Variants in ULK4 observed in about 807,000 individuals in gnomAD.
The protein encoded by ULK4 is inactive serine/threonine-protein kinase ULK4.
Under a neutral mutation model 160.6 loss-of-function variants are expected in ULK4, and 133 were observed. The observed-to-expected ratio is 0.83, with a 90% CI of 0.72 to 0.96. The LOEUF is 0.96. Ranked by LOEUF, ULK4 falls within the 40% of genes least tolerant of loss-of-function variation. The pLI is 0.00. For missense variants in ULK4, 1,580 were observed against 1,499.5 expected (o/e 1.05, Z -0.89); for synonymous variants, 534 against 539.8 (o/e 0.99, Z 0.15).
chr3:41,735,464 C>T (rs943048638), intron 22 of ULK4, among the ~76,000 whole-genome samples: 5 of 152,104 alleles, frequency 3.3e-5, no homozygotes, highest in Non-Finnish European at 5.9e-5. Flanking sequence ...CGAGTTCTAC[C>T]GAGCTCTATG....
chr3:41,845,691 C>A (rs1247915315), intron 17 of ULK4, among the ~76,000 whole-genome samples: 1 of 152,130 alleles, frequency 6.6e-6, no homozygotes, highest in East Asian at 1.9e-4. Flanking sequence ...GAAGTATACA[C>A]AGGATCTCTC....
intron 18 of ULK4, among the ~76,000 whole-genome samples, chr3:41,825,905 G>T (rs939421519): frequency 6.6e-6 from 1 of 152,212 alleles, no homozygotes; most frequent in Non-Finnish European, 1.5e-5. Context: ...AGGGCAGCCA[G>T]AGAGAAAGGT....
chr3:41,765,393 C>T (rs1251144630), intron 21 of ULK4, among the ~76,000 whole-genome samples: 1 of 152,004 alleles, frequency 6.6e-6, no homozygotes, highest in Non-Finnish European at 1.5e-5. Flanking sequence ...GAACATCACA[C>T]ACCGGGGCCT....
At chr3:41,574,531 CTTTTTTTT>C (rs568406782) in intron 31 of ULK4, among the ~76,000 whole-genome samples, 142 of 92,162 alleles carry the variant, frequency 1.5e-3, no homozygotes, top group African/African-American at 4.4e-3. Flanking sequence ...CCAGAGTCCT[CTTTTTTTT>C]TTTTTTTTTT....
rs531395827 is a variant in ULK4 at position 41,602,685 on chromosome 3, A to G, written c.3120+12984T>C. 1.2e-3 allele frequency among the ~76,000 whole-genome samples: 186 copies of G among 152,284 alleles called. 1 individual carries two copies. The highest frequency in any genetic ancestry group is 4.4e-3 in the African/African-American group (181 of 41,584). ...AATCTCCTAAAAATGAGCCATAATC[A>G]TATAGTTTCAGAGCTGAATTTTTAA... is the stretch of plus-strand genomic sequence containing the variant. On this transcript the variant is annotated intron_variant, in intron 31 of 36. Transcript: ENST00000301831.
intron 32 of ULK4, among the ~76,000 whole-genome samples, chr3:41,565,653 C>G (rs946052010): frequency 6.6e-6 from 1 of 152,178 alleles, no homozygotes; most frequent in Non-Finnish European, 1.5e-5. Context: ...GCCCCTCAAT[C>G]TTGGACTTCT....
At chr3:41,786,844 G>C (rs940970589) in intron 21 of ULK4, among the ~76,000 whole-genome samples, 1 of 152,050 alleles carries the variant, frequency 6.6e-6, no homozygotes, top group Admixed American at 6.6e-5. Context: ...CAGATACATG[G>C]AAAGAAGGCA....
chr3:41,802,243 A>G (rs2040483937), intron 19 of ULK4, among the ~76,000 whole-genome samples: 1 of 152,206 alleles, frequency 6.6e-6, no homozygotes, highest in South Asian at 2.1e-4. Flanking sequence ...ATATGTGAAT[A>G]AATATAATAG....
At chr3:41,762,936 T>C (rs2039038270) in intron 21 of ULK4, among the ~76,000 whole-genome samples, 1 of 152,132 alleles carries the variant, frequency 6.6e-6, no homozygotes, top group Admixed American at 6.5e-5. Context: ...ATGCTGGGAT[T>C]ACAGGCGTGA....
chr3:41,799,234 G>T (rs1203610429), intron 20 of ULK4, among the ~76,000 whole-genome samples: 1 of 151,922 alleles, frequency 6.6e-6, no homozygotes, highest in East Asian at 1.9e-4. Flanking sequence ...AACTCAAAGG[G>T]GTATTTAAAT....
chr3:41,525,519 G>C (rs77990051), intron 32 of ULK4, among the ~76,000 whole-genome samples: 3,253 of 152,200 alleles, frequency 0.021, 117 homozygotes, highest in African/African-American at 0.073. Flanking sequence ...GTGAGGCCTA[G>C]TCTCCCTCCC....
intron 31 of ULK4, among the ~76,000 whole-genome samples, chr3:41,574,570 CTT>C (rs1265273316): frequency 6.9e-5 from 8 of 115,682 alleles, no homozygotes; most frequent in South Asian, 3.1e-4. Context: ...GAGACAGAGT[CTT>C]GCTCTGCCAC....
intron 35 of ULK4, among the ~76,000 whole-genome samples, chr3:41,268,095 A>T (rs1009480422): frequency 2.6e-5 from 4 of 152,182 alleles, no homozygotes; most frequent in Admixed American, 2.6e-4. Flanking sequence ...GGGGAGGTGG[A>T]CTGGCATCTA....
intron 21 of ULK4, among the ~76,000 whole-genome samples, chr3:41,779,798 A>T (rs1283703532): frequency 1.1e-4 from 10 of 89,686 alleles, no homozygotes; most frequent in Non-Finnish European, 1.3e-4. Context: ...GATCACTTGG[A>T]CACAGGAAGG....
intron 30 of ULK4, among the ~76,000 whole-genome samples, chr3:41,632,130 C>T (rs1178784568): frequency 2.6e-5 from 4 of 152,110 alleles, no homozygotes; most frequent in Admixed American, 2.6e-4. Context: ...AGCATGCTCA[C>T]ATGTAAGAGG....
At chr3:41,309,165 C>T (rs2080002243) in intron 35 of ULK4, among the ~76,000 whole-genome samples, 1 of 151,674 alleles carries the variant, frequency 6.6e-6, no homozygotes, top group South Asian at 2.1e-4. Context: ...CAGCTAATAC[C>T]TCTTAAATAT....
intron 34 of ULK4, among the ~76,000 whole-genome samples, chr3:41,417,858 T>C (rs2082563976): frequency 6.6e-6 from 1 of 152,172 alleles, no homozygotes; most frequent in African/African-American, 2.4e-5. Context: ...CTAACTACTC[T>C]GGTATACTGT....
chr3:41,809,567 A>G (rs1172000388), intron 19 of ULK4, among the ~76,000 whole-genome samples: 1 of 152,216 alleles, frequency 6.6e-6, no homozygotes, highest in Non-Finnish European at 1.5e-5. Context: ...AAATATAGAT[A>G]ATCAGTTTCC....
In ULK4 at chr3:41,789,719, G is replaced by C. The variant is rs938230626; in HGVS notation, c.2135C>G (p.Thr712Ser). Residue 712 changes from threonine (T) to serine (S), a missense_variant, in exon 21 of 37, where the codon ACC becomes AGC. Transcript: ENST00000301831. ...ACAGGACAACATGGCAGCGAATAAG[G>C]TCAACATGTACTGCTGAACTTTGCA... ...AICKVQQYML[T>S]LFAAMLSCGI... 6.2e-7 allele frequency: 1 copy of C among 1,613,064 alleles called. No homozygotes were observed. The highest frequency in any genetic ancestry group is 2.2e-5 in the East Asian group (1 of 44,740).
Sources: gnomAD v4.1 joint callset for allele counts (sites outside exome capture counted in the v4.1 genomes callset) on GRCh38, gnomAD v4.1.1 for gene constraint, MANE v1.5 for transcripts, NCBI Gene and HGNC (gene_info 2026-07-23, HGNC 2026-07-21) for gene names.